ALDH1A2: variants seen among roughly 807,000 people sequenced by gnomAD.
The protein encoded by ALDH1A2 is retinal dehydrogenase 2.
A neutral mutation model predicts 60.3 loss-of-function variants in ALDH1A2; 27 were observed. That is an observed-to-expected ratio of 0.45 (90% CI 0.33 to 0.62). The LOEUF is 0.62. ALDH1A2 is among the 20% of genes least tolerant of loss of function. The pLI is 0.02. For missense variants in ALDH1A2, 581 were observed against 643.8 expected, an observed-to-expected ratio of 0.90 and a Z score of 1.06; for synonymous variants, 289 against 232.4, an observed-to-expected ratio of 1.24 and a Z score of -2.21.
chr15:58,004,735 A>ATG (rs1256581537), intron 4 of ALDH1A2, among the ~76,000 whole-genome samples: 1 of 147,810 alleles, frequency 6.8e-6, no homozygotes, highest in African/African-American at 2.5e-5. Context: ...ATATACATAT[A>ATG]TATATATATT....
chr15:57,985,824 A>C (rs1894681507), intron 7 of ALDH1A2, among the ~76,000 whole-genome samples: 2 of 152,342 alleles, frequency 1.3e-5, no homozygotes, highest in South Asian at 4.1e-4. Flanking sequence ...AAAACTTATA[A>C]AAATCAAGAC....
At chr15:58,055,901 G>A (rs1407221978) in intron 1 of ALDH1A2, among the ~76,000 whole-genome samples, 1 of 108,400 alleles carries the variant, frequency 9.2e-6, no homozygotes, top group East Asian at 2.3e-4. Context: ...TCAAAAAAAA[G>A]GTCTTTTAGA....
intron 1 of ALDH1A2, among the ~76,000 whole-genome samples, chr15:58,024,577 A>G (rs1896023031): frequency 6.6e-6 from 1 of 152,208 alleles, no homozygotes; most frequent in Non-Finnish European, 1.5e-5. Context: ...AAATATTACT[A>G]GATCTAAATA....
intron 12 of ALDH1A2, among the ~76,000 whole-genome samples, chr15:57,957,560 T>C (rs1893570436): frequency 6.6e-6 from 1 of 152,206 alleles, no homozygotes; most frequent in Non-Finnish European, 1.5e-5. Flanking sequence ...AGCTCACTGA[T>C]GCACGAAAGG....
rs767371211 is a variant in ALDH1A2 at position 58,065,562 on chromosome 15, G to A, written c.89C>T (p.Thr30Met). 20 of 1,613,606 alleles carry A rather than the reference G, an allele frequency of 1.2e-5. No homozygotes were observed. Among genetic ancestry groups the A allele is most frequent in the Non-Finnish European group, 1.6e-5 (19 of 1,179,766 alleles). ...GGTGTACTTAATTTCGAGATTGGGC[G>A]TGGGCGACGGCAGGAGGTGCAGCGA... is the stretch of plus-strand genomic sequence containing the variant. ...MASLHLLPSP[T>M]PNLEIKYTKI... is the part of the protein sequence containing the mutation. Residue 30 changes from threonine (T) to methionine (M), a missense_variant, in exon 1 of 13, where the codon ACG becomes ATG. Physicochemically the swap from Thr to Met is moderately conservative, Grantham distance 81. Around this residue, in one of 2 missense-constraint regions of ALDH1A2, gnomAD observed 206 missense variants for 174.1 expected, o/e 1.18. Transcript: ENST00000249750.
intron 7 of ALDH1A2, among the ~76,000 whole-genome samples, chr15:57,984,860 C>T (rs1331337853): frequency 6.6e-6 from 1 of 152,118 alleles, no homozygotes; most frequent in Non-Finnish European, 1.5e-5. Flanking sequence ...GATTTTGTCA[C>T]GTTTCTTCTG....
At chr15:57,977,890 T>C (rs776215469) in intron 7 of ALDH1A2, among the ~76,000 whole-genome samples, 10 of 152,240 alleles carry the variant, frequency 6.6e-5, no homozygotes, top group African/African-American at 9.6e-5. Context: ...TGGTTTATAG[T>C]TCTCCTTGAA....
chr15:57,967,358 T>G (rs1893931941), intron 7 of ALDH1A2, among the ~76,000 whole-genome samples: 1 of 152,164 alleles, frequency 6.6e-6, no homozygotes, highest in Non-Finnish European at 1.5e-5. Flanking sequence ...TGGCACACAG[T>G]AAGTGTGCAG....
chr15:58,054,992 T>C (rs961209574), intron 1 of ALDH1A2, among the ~76,000 whole-genome samples: 2 of 152,148 alleles, frequency 1.3e-5, no homozygotes, highest in Non-Finnish European at 2.9e-5. Context: ...TGAGTGGAAT[T>C]AGACTTAGGA....
intron 1 of ALDH1A2, among the ~76,000 whole-genome samples, chr15:58,040,156 C>G (rs1896482115): frequency 6.6e-6 from 1 of 151,804 alleles, no homozygotes; most frequent in African/African-American, 2.4e-5. Flanking sequence ...AGAATTCCAG[C>G]CAAAGCAACC....
chr15:58,060,942 T>C (rs1182114593), intron 1 of ALDH1A2, among the ~76,000 whole-genome samples: 1 of 152,250 alleles, frequency 6.6e-6, no homozygotes, highest in Non-Finnish European at 1.5e-5. Flanking sequence ...GTTAAATCAT[T>C]GTGCTTCATT....
chr15:58,031,012 A>G (rs1385354441), intron 1 of ALDH1A2, among the ~76,000 whole-genome samples: 3 of 152,194 alleles, frequency 2.0e-5, no homozygotes, highest in Admixed American at 6.5e-5. Context: ...GACTTTCTTC[A>G]AAGAACTGGA....
chr15:57,969,657 G>A (rs1893998858), intron 7 of ALDH1A2, among the ~76,000 whole-genome samples: 1 of 152,238 alleles, frequency 6.6e-6, no homozygotes, highest in Non-Finnish European at 1.5e-5. Context: ...GTCCTATTCT[G>A]ATGAAATTGG....
intron 1 of ALDH1A2, among the ~76,000 whole-genome samples, chr15:58,052,312 C>T (rs1279091868): frequency 1.8e-4 from 27 of 152,006 alleles, no homozygotes; most frequent in Admixed American, 1.6e-3. Context: ...GTTCTGGGCC[C>T]AGGAAAGTAG....
intron 4 of ALDH1A2, among the ~76,000 whole-genome samples, chr15:57,997,737 T>C (rs1364066335): frequency 6.6e-6 from 1 of 151,998 alleles, no homozygotes; most frequent in African/African-American, 2.4e-5. Context: ...TCATGAGGAA[T>C]TGAGTTTGAC....
At chr15:58,004,125 A>G (rs1895367954) in intron 4 of ALDH1A2, among the ~76,000 whole-genome samples, 1 of 151,892 alleles carries the variant, frequency 6.6e-6, no homozygotes, top group African/African-American at 2.4e-5. Flanking sequence ...AGTGGTCATG[A>G]GATAACCCTT....
At chr15:58,029,637 A>G (rs1479700951) in intron 1 of ALDH1A2, among the ~76,000 whole-genome samples, 1 of 152,142 alleles carries the variant, frequency 6.6e-6, no homozygotes, top group African/African-American at 2.4e-5. Context: ...AAAGATCAAC[A>G]AAACAGATAT....
chr15:57,963,506 AT>A (rs563211480), intron 9 of ALDH1A2, among the ~76,000 whole-genome samples: 6 of 149,036 alleles, frequency 4.0e-5, no homozygotes, highest in Admixed American at 6.7e-5. Flanking sequence ...CGCCCGGCTA[AT>A]TTTTTTTTTG....
chr15:58,065,575 G>A lies in ALDH1A2; in HGVS notation c.76C>T (p.Leu26=), dbSNP rs1415225914. ...PAALMASLHL[L]PSPTPNLEIK... is the part of the protein sequence containing the mutation. Reference sequence around the variant, plus strand: ...TCGAGATTGGGCGTGGGCGACGGCAGGAGGTGCAGCGACGCCATGAGGGCG... The same window carrying A: ...TCGAGATTGGGCGTGGGCGACGGCAAGAGGTGCAGCGACGCCATGAGGGCG... The change falls in exon 1 of 13, where the codon CTG becomes TTG. Residue 26 remains leucine, a synonymous_variant. Coordinates refer to ENST00000249750, the MANE Select transcript of ALDH1A2 (RefSeq NM_003888.4). The A allele has an allele frequency of 1.9e-6, 3 of 1,613,646 alleles. No individual in the cohort carries two copies. The highest frequency in any genetic ancestry group is 2.5e-6 in the Non-Finnish European group (3 of 1,179,742).
Sources: allele counts gnomAD v4.1 joint callset (sites outside exome capture counted in the v4.1 genomes callset), GRCh38; gene constraint gnomAD v4.1.1; regional missense constraint gnomAD v4.1.1; transcripts MANE v1.5; gene names NCBI Gene and HGNC (gene_info 2026-07-23, HGNC 2026-07-21).